The following PSME4 variants were observed in gnomAD, a reference collection of about 807,000 sequenced individuals.
PSME4 encodes the protein proteasome activator complex subunit 4.
Under a neutral mutation model 253.9 loss-of-function variants are expected in PSME4, and 89 were observed. The ratio of observed to expected loss-of-function variants is 0.35; its 90% CI spans 0.30 to 0.42. The LOEUF is 0.42. Ranked by LOEUF, PSME4 falls within the 10% of genes least tolerant of loss-of-function variation. The pLI, the probability that PSME4 is intolerant of heterozygous loss-of-function variation, is 1.00. For synonymous variants in PSME4, 851 were observed against 759.2 expected, an observed-to-expected ratio of 1.12 and a Z score of -1.99; for missense variants, 2,014 against 2,195.2, an observed-to-expected ratio of 0.92 and a Z score of 1.65.
chr2:53,935,035 C>G (rs868514019), intron 7 of PSME4, among the ~76,000 whole-genome samples: 1 of 152,138 alleles, frequency 6.6e-6, no homozygotes, highest in Admixed American at 6.5e-5. Flanking sequence ...CATACTGTGG[C>G]TAAACATGAA....
chr2:53,947,941 G>A (rs13027158), intron 3 of PSME4, among the ~76,000 whole-genome samples: 151 of 148,212 alleles, frequency 1.0e-3, no homozygotes, highest in Non-Finnish European at 2.4e-4. Context: ...ACTTGAACCC[G>A]GGAAGTGGAG....
At chr2:53,868,509 A>ATATTTATAATATATATTATATATATTAT (rs1490900495) in intron 44 of PSME4, among the ~76,000 whole-genome samples, 4 of 51,156 alleles carry the variant, frequency 7.8e-5, no homozygotes, top group African/African-American at 2.6e-4. Context: ...TATATATTAT[A>ATATTTATAATATATATTATATATATTAT]AAATATATTT....
chr2:53,906,496 T>C (rs1360676484), intron 26 of PSME4, 102 bp downstream of exon 26: 2 of 1,378,352 alleles, frequency 1.5e-6, no homozygotes, highest in African/African-American at 1.5e-5. Context: ...TAATTCCAAT[T>C]ATGGGTGAAA....
At chr2:53,872,032 G>A (rs987736367) in intron 43 of PSME4, among the ~76,000 whole-genome samples, 2 of 151,992 alleles carry the variant, frequency 1.3e-5, no homozygotes, top group Non-Finnish European at 2.9e-5. Context: ...AGGGGGGGCG[G>A]GGATGGTAAA....
At chr2:53,922,042 G>T (rs1316023001) in intron 17 of PSME4, among the ~76,000 whole-genome samples, 1 of 150,894 alleles carries the variant, frequency 6.6e-6, no homozygotes, top group Non-Finnish European at 1.5e-5. Context: ...CGTGGTGGCG[G>T]ATGCCTGTAG....
Position 53,910,090 on chromosome 2 carries a change from T to A in PSME4, c.2557A>T (p.Thr853Ser). The A allele has an allele frequency of 6.2e-7, 1 of 1,608,492 alleles. No individual in the cohort carries two copies. Among genetic ancestry groups the A allele is most frequent in the South Asian group, 1.1e-5 (1 of 90,958 alleles). The change falls in exon 21 of 47, where the codon ACT becomes TCT. Residue 853 changes from threonine (T) to serine (S), a missense_variant. Coordinates refer to ENST00000404125, the MANE Select transcript of PSME4 (RefSeq NM_014614.3). ...ATTCACATACCATATTCAAGTCCAG[T>A]ATACAACTTTGTCTCTTCCAAGGAC... Reference protein sequence around the residue: ...MVSLEETKLYTGLEYDLSREN... With the variant: ...MVSLEETKLYSGLEYDLSREN...
chr2:53,952,317 C>T (rs535992949), intron 1 of PSME4, among the ~76,000 whole-genome samples: 6 of 152,178 alleles, frequency 3.9e-5, no homozygotes, highest in South Asian at 2.1e-4. Context: ...CCGAGGCAGA[C>T]GGATCACGAG....
At chr2:53,956,175 T>A (rs1012265920) in intron 1 of PSME4, among the ~76,000 whole-genome samples, 1 of 152,102 alleles carries the variant, frequency 6.6e-6, no homozygotes, top group Non-Finnish European at 1.5e-5. Flanking sequence ...TACCTCTGGG[T>A]GGTAAAACTG....
chr2:53,896,913 T>TA (rs778313344), intron 31 of PSME4, 28 bp from the exon 32 acceptor site: 24 of 1,535,812 alleles, frequency 1.6e-5, no homozygotes, highest in Admixed American at 3.4e-5. Context: ...TACACATTCA[T>TA]AAAAAAAAGT....
chr2:53,949,172 T>C lies in PSME4; in HGVS notation c.354A>G (p.Gly118=). 1 of 1,609,228 alleles carries C rather than the reference T, an allele frequency of 6.2e-7. No homozygotes were observed. Among genetic ancestry groups the C allele is most frequent in the Non-Finnish European group, 8.5e-7 (1 of 1,177,680 alleles). The change falls in exon 2 of 47, where the codon GGA becomes GGG. Residue 118 remains glycine, a synonymous_variant. Coordinates refer to ENST00000404125, the MANE Select transcript of PSME4 (RefSeq NM_014614.3). The stretch of plus-strand genomic sequence containing the variant: ...ACAAGTTGATCAAAAGGCGGGCAAA[T>C]CCCTGCATCATGCTGATTTCCAGTT... ...IPKLEISMMQ[G]FARLLINLLK...
chr2:53,921,249 T>C (rs1188395795), intron 17 of PSME4, 145 bp from the exon 18 acceptor site: 7 of 1,250,626 alleles, frequency 5.6e-6, no homozygotes, highest in Non-Finnish European at 5.5e-6. Flanking sequence ...TTAACTGCAT[T>C]CTAATAATTA....
chr2:53,969,045 G>A (rs542585682), intron 1 of PSME4, among the ~76,000 whole-genome samples: 1 of 152,266 alleles, frequency 6.6e-6, no homozygotes, highest in South Asian at 2.1e-4. Flanking sequence ...ATTAAAATGG[G>A]GAATTACTGT....
intron 1 of PSME4, among the ~76,000 whole-genome samples, chr2:53,962,329 T>C (rs997519595): frequency 6.6e-5 from 10 of 151,708 alleles, no homozygotes; most frequent in Middle Eastern, 3.4e-3. Context: ...CAGAAAAAAG[T>C]TAATTCCCAG....
intron 10 of PSME4, among the ~76,000 whole-genome samples, chr2:53,930,950 T>G (rs1429095874): frequency 6.6e-6 from 1 of 152,188 alleles, no homozygotes; most frequent in Non-Finnish European, 1.5e-5. Flanking sequence ...TTAAGTAATT[T>G]GCTCTTGAAC....
chr2:53,893,135 T>C (rs575046808), intron 35 of PSME4, among the ~76,000 whole-genome samples, 175 bp from the exon 36 acceptor site: 14 of 152,334 alleles, frequency 9.2e-5, no homozygotes, highest in African/African-American at 3.4e-4. Context: ...TCATTTTAAA[T>C]ATCACATTAA....
At chr2:53,947,352 T>C (rs969243848) in intron 3 of PSME4, among the ~76,000 whole-genome samples, 1 of 152,190 alleles carries the variant, frequency 6.6e-6, no homozygotes, top group Non-Finnish European at 1.5e-5. Flanking sequence ...CTTTAAAGAC[T>C]TAATTTATAA....
chr2:53,970,768 C>T lies in PSME4; in HGVS notation c.17G>A (p.Arg6Gln), dbSNP rs979195829. MEPAE[R>Q]AGVGEPPEPG... ...CTCCGGGGGCTCTCCGACTCCCGCC[C>T]GCTCGGCCGGCTCCATGAGCCCAGG... The change falls in exon 1 of 47, where the codon CGG becomes CAG. Residue 6 changes from arginine (R) to glutamine (Q), a missense_variant. Physicochemically the swap from Arg to Gln is conservative, Grantham distance 43 (BLOSUM62 1). Transcript: ENST00000404125. The T allele has an allele frequency of 6.5e-6, 10 of 1,542,826 alleles. No homozygotes were observed. In the African/African-American group the frequency reaches 6.9e-5, roughly 11 times the overall value.
intron 8 of PSME4, 68 bp from the exon 9 acceptor site, chr2:53,932,828 C>A (rs1573320813): frequency 2.8e-5 from 33 of 1,191,524 alleles, no homozygotes; most frequent in East Asian, 4.7e-5. Flanking sequence ...TCAACAGGCC[C>A]AAGCCTATAC....
chr2:53,919,361 A>C, intron 19 of PSME4, 115 bp from the exon 20 acceptor site: 3 of 1,326,398 alleles, frequency 2.3e-6, no homozygotes, highest in Non-Finnish European at 2.9e-6. Flanking sequence ...GTAAAGAAAT[A>C]GCAAATGTCT....
Sources: gnomAD v4.1 joint callset for allele counts (sites outside exome capture counted in the v4.1 genomes callset) on GRCh38, gnomAD v4.1.1 for gene constraint, MANE v1.5 for transcripts, NCBI Gene and HGNC (gene_info 2026-07-23, HGNC 2026-07-21) for gene names.